Variants in SUGCT observed in about 807,000 individuals in gnomAD.
SUGCT encodes succinyl-CoA:glutarate CoA-transferase.
In SUGCT, 41 loss-of-function variants were observed where a neutral mutation model predicts 55.0. The ratio of observed to expected loss-of-function variants is 0.74; its 90% CI spans 0.58 to 0.97. SUGCT has a LOEUF of 0.97. Among genes scored for constraint, SUGCT ranks in the 50% least tolerant of loss-of-function variants. The pLI is 0.00. For missense variants in SUGCT, 568 were observed against 547.8 expected (o/e 1.04, Z -0.37); for synonymous variants, 187 against 200.4 (o/e 0.93, Z 0.56).
chr7:40,844,193 A>G (rs1250345795), intron 13 of SUGCT, among the ~76,000 whole-genome samples: 6 of 152,306 alleles, frequency 3.9e-5, no homozygotes, highest in African/African-American at 1.4e-4. Flanking sequence ...ATGTGTTACA[A>G]TCAGTGCTCT....
intron 12 of SUGCT, among the ~76,000 whole-genome samples, chr7:40,669,450 A>C (rs892804681): frequency 1.3e-5 from 2 of 151,918 alleles, no homozygotes; most frequent in Non-Finnish European, 2.9e-5. Context: ...AGATGCTAGA[A>C]TTATATGACA....
intron 9 of SUGCT, among the ~76,000 whole-genome samples, chr7:40,359,811 G>A (rs938667998): frequency 1.5e-4 from 23 of 152,234 alleles, no homozygotes; most frequent in African/African-American, 5.3e-4. Flanking sequence ...TTGGAGAGTG[G>A]AAATGGTAGC....
chr7:40,894,257 G>C, the SUGCT span, among the ~76,000 whole-genome samples: 2 of 152,070 alleles, frequency 1.3e-5, no homozygotes. Flanking sequence ...GAAAAAAATG[G>C]TGCTGTCATA....
intron 13 of SUGCT, among the ~76,000 whole-genome samples, chr7:40,801,214 A>T (rs1215610385): frequency 6.6e-6 from 1 of 152,224 alleles, no homozygotes; most frequent in Non-Finnish European, 1.5e-5. Flanking sequence ...CGTTACTTCT[A>T]CTTCAGCATA....
At chr7:40,254,344 A>G (rs1790651006) in intron 7 of SUGCT, among the ~76,000 whole-genome samples, 1 of 152,116 alleles carries the variant, frequency 6.6e-6, no homozygotes, top group Non-Finnish European at 1.5e-5. Context: ...TTCATTGTGG[A>G]AGGATTATGT....
At chr7:40,389,534 A>C (rs1386210129) in intron 9 of SUGCT, among the ~76,000 whole-genome samples, 2 of 152,228 alleles carry the variant, frequency 1.3e-5, no homozygotes, top group Non-Finnish European at 2.9e-5. Context: ...CAAAGTCAGC[A>C]ACAAACAATA....
intron 13 of SUGCT, among the ~76,000 whole-genome samples, chr7:40,751,214 C>T (rs557979002): frequency 1.3e-5 from 2 of 152,006 alleles, no homozygotes; most frequent in South Asian, 4.2e-4. Flanking sequence ...GGGAGAAAAC[C>T]CCGAGGTGAT....
intron 12 of SUGCT, among the ~76,000 whole-genome samples, chr7:40,617,653 A>G (rs1799073214): frequency 6.6e-6 from 1 of 152,212 alleles, no homozygotes. Context: ...ATCTGGGAAG[A>G]CTTAAAATGT....
At chr7:40,267,419 G>A (rs1367168968) in intron 7 of SUGCT, among the ~76,000 whole-genome samples, 2 of 152,286 alleles carry the variant, frequency 1.3e-5, no homozygotes, top group Admixed American at 6.5e-5. Flanking sequence ...TTAAAAGTCT[G>A]TATATGAGTT....
the SUGCT span, among the ~76,000 whole-genome samples, chr7:40,908,858 A>G: frequency 7.2e-5 from 11 of 152,220 alleles, no homozygotes; most frequent in Admixed American, 4.6e-4. Flanking sequence ...CTTACAAAGT[A>G]ATATGGATTT....
intron 9 of SUGCT, among the ~76,000 whole-genome samples, chr7:40,433,197 T>A (rs1787995791): frequency 6.6e-6 from 1 of 152,162 alleles, no homozygotes; most frequent in South Asian, 2.1e-4. Context: ...ATTTTGTTTA[T>A]GTATCGTTTT....
Position 40,860,444 on chromosome 7 carries a change from A to G in SUGCT, c.1282A>G (p.Ser428Gly). The change falls in exon 14 of 14, where the codon AGC (serine) becomes GGC (glycine). Residue 428 changes from serine to glycine, a missense_variant. Physicochemically the swap from Ser to Gly is moderately conservative, Grantham distance 56. Transcript: ENST00000335693. ...YDDRAIGELLSAGVVDQHETH is the reference protein window; with the variant it reads ...YDDRAIGELLGAGVVDQHETH ...TGACAGGGCCATCGGGGAGCTGCTC[A>G]GCGCTGGAGTGGTGGACCAACATGA... 6.2e-7 allele frequency: 1 copy of G among 1,613,580 alleles called. No individual in the cohort carries two copies. Among genetic ancestry groups the G allele is most frequent in the Non-Finnish European group, 8.5e-7 (1 of 1,179,580 alleles).
chr7:40,247,369 C>T (rs1453962779), intron 7 of SUGCT, among the ~76,000 whole-genome samples: 1 of 152,126 alleles, frequency 6.6e-6, no homozygotes, highest in African/African-American at 2.4e-5. Flanking sequence ...AATTCTCCTG[C>T]CTTAGCCTCC....
chr7:40,671,219 A>G (rs1218797213), intron 12 of SUGCT, among the ~76,000 whole-genome samples: 1 of 152,198 alleles, frequency 6.6e-6, no homozygotes, highest in Non-Finnish European at 1.5e-5. Flanking sequence ...TGGATCCATC[A>G]TATTAACAGG....
At chr7:40,488,879 T>C (rs1791531001) in intron 11 of SUGCT, among the ~76,000 whole-genome samples, 3 of 152,202 alleles carry the variant, frequency 2.0e-5, no homozygotes. Context: ...TTTTCTCTTG[T>C]TGCTTTCAGT....
chr7:40,917,472 G>A, the SUGCT span, among the ~76,000 whole-genome samples: 1 of 152,044 alleles, frequency 6.6e-6, no homozygotes, highest in East Asian at 1.9e-4. Flanking sequence ...TGGGATGTAC[G>A]CAGCCACCCA....
At chr7:40,574,679 G>A (rs988815880) in intron 12 of SUGCT, among the ~76,000 whole-genome samples, 21 of 152,278 alleles carry the variant, frequency 1.4e-4, no homozygotes, top group African/African-American at 5.1e-4. Context: ...CGATCCGCCT[G>A]CCTTGACCTC....
chr7:40,734,571 ACATT>A (rs1404395228), intron 12 of SUGCT, among the ~76,000 whole-genome samples: 1 of 152,134 alleles, frequency 6.6e-6, no homozygotes, highest in Non-Finnish European at 1.5e-5. Flanking sequence ...TCCTTGCTTT[ACATT>A]CATGCTGGTT....
At chr7:40,362,551 T>C (rs1798209347) in intron 9 of SUGCT, among the ~76,000 whole-genome samples, 1 of 152,128 alleles carries the variant, frequency 6.6e-6, no homozygotes, top group Admixed American at 6.5e-5. Context: ...AGAAGGAAGC[T>C]TGGGTAAAGA....
Sources: allele counts gnomAD v4.1 joint callset (sites outside exome capture counted in the v4.1 genomes callset), GRCh38; gene constraint gnomAD v4.1.1; transcripts MANE v1.5; gene names NCBI Gene and HGNC (gene_info 2026-07-23, HGNC 2026-07-21).